The following RGS7 variants were observed in gnomAD, a reference collection of about 807,000 sequenced individuals.
RGS7 encodes regulator of G protein signaling 7.
Under a neutral mutation model 81.1 loss-of-function variants are expected in RGS7, and 27 were observed. That is an observed-to-expected ratio of 0.33 (90% CI 0.25 to 0.46). RGS7 has a LOEUF of 0.46. Among genes scored for constraint, RGS7 ranks in the 20% least tolerant of loss-of-function variants. The pLI, the probability that RGS7 is intolerant of heterozygous loss-of-function variation, is 1.00. For missense variants in RGS7, 396 were observed against 607.4 expected (o/e 0.65, Z 3.66); for synonymous variants, 208 against 207.7 (o/e 1.00, Z -0.01).
At chr1:240,943,265 C>T (rs564055142) in intron 4 of RGS7, among the ~76,000 whole-genome samples, 22 of 152,272 alleles carry the variant, frequency 1.4e-4, no homozygotes, top group African/African-American at 4.6e-4. Flanking sequence ...GTTCACATCC[C>T]GGGTCCCTCA....
At chr1:240,882,706 AT>A (rs200827080) in intron 6 of RGS7, among the ~76,000 whole-genome samples, 1 of 151,620 alleles carries the variant, frequency 6.6e-6, no homozygotes, top group African/African-American at 2.4e-5. Flanking sequence ...CTTGGGGTCC[AT>A]TTTTTTTCAT....
intron 3 of RGS7, among the ~76,000 whole-genome samples, chr1:241,010,749 T>G (rs148061495): frequency 1.2e-4 from 18 of 152,308 alleles, no homozygotes; most frequent in African/African-American, 4.1e-4. Flanking sequence ...ACTAATTTCC[T>G]GCTGATCCTA....
chr1:240,920,386 G>T, intron 6 of RGS7: 1 of 1,524,028 alleles, frequency 6.6e-7, no homozygotes, highest in South Asian at 1.1e-5. Context: ...GGCTATAATG[G>T]ATTTGGTAAT....
At chr1:240,923,465 G>A (rs193168390) in intron 6 of RGS7, among the ~76,000 whole-genome samples, 117 of 152,026 alleles carry the variant, frequency 7.7e-4, no homozygotes, top group African/African-American at 2.6e-3. Context: ...TTAATTTTCT[G>A]TAAACTTTGA....
At chr1:240,995,220 A>G (rs999097824) in intron 3 of RGS7, among the ~76,000 whole-genome samples, 1 of 152,116 alleles carries the variant, frequency 6.6e-6, no homozygotes, top group African/African-American at 2.4e-5. Flanking sequence ...AATTATTTTT[A>G]TATATTGCTA....
At position 241,144,483 on chromosome 1, in the gene RGS7, C is replaced by T. The variant is rs2068151425; in HGVS notation, c.79-45721G>A. 6.6e-6 allele frequency among the ~76,000 whole-genome samples: 1 copy of T among 152,140 alleles called. No homozygotes were observed. The highest frequency in any genetic ancestry group is 1.5e-5 in the Non-Finnish European group (1 of 68,020). On this transcript the variant is annotated intron_variant, in intron 2 of 18. Transcript: ENST00000440928. The surrounding 1 kb of genome is among the most constrained non-coding windows in gnomAD (Gnocchi z 4.7). ...CTTTGTAAACCTACATAAAGATTCC[C>T]CCTTCCTTGGGAAGCCATAAATGCA...
chr1:241,045,575 G>A (rs906191372), intron 3 of RGS7, among the ~76,000 whole-genome samples: 3 of 152,082 alleles, frequency 2.0e-5, no homozygotes, highest in African/African-American at 7.2e-5. Flanking sequence ...TGTTGGCCAG[G>A]CTGGTCTTGA....
chr1:241,128,520 G>C (rs1350146905), intron 2 of RGS7, among the ~76,000 whole-genome samples: 1 of 151,856 alleles, frequency 6.6e-6, no homozygotes, highest in Non-Finnish European at 1.5e-5. Context: ...CCGGGGCGGA[G>C]GTTACAGTGA....
rs777119486 is a variant in RGS7, at chr1:240,920,552, C to T, written c.385+10165G>A. 8.8e-5 allele frequency: 75 copies of T among 851,458 alleles called. 1 individual carries two copies. Among genetic ancestry groups the T allele is most frequent in the Middle Eastern group, 3.4e-4 (1 of 2,980 alleles). 52.7% of individuals were successfully genotyped at this position (851,458 alleles called of 1,614,324 possible). A position where few individuals can be genotyped will look rare whatever the true frequency, so the allele number is the denominator to read the frequency against. On this transcript the variant is annotated intron_variant, in intron 6 of 18. Transcript: ENST00000440928. Reference sequence around the variant, plus strand: ...GCCAATACTTTGTCAAACCATGAAACTAAGGTGGCTATGGTGGTTGCAGTA... The same window carrying T: ...GCCAATACTTTGTCAAACCATGAAATTAAGGTGGCTATGGTGGTTGCAGTA...
intron 2 of RGS7, among the ~76,000 whole-genome samples, chr1:241,295,633 G>C (rs2079379071): frequency 1.3e-5 from 2 of 152,274 alleles, no homozygotes; most frequent in African/African-American, 4.8e-5. Flanking sequence ...AAAGGGCCTT[G>C]AATGCCATGT....
At chr1:241,031,244 TC>T (rs1160415929) in intron 3 of RGS7, among the ~76,000 whole-genome samples, 3 of 152,212 alleles carry the variant, frequency 2.0e-5, no homozygotes, top group African/African-American at 7.2e-5. Flanking sequence ...CTGAGTTATT[TC>T]ACTTAAGACA....
intron 9 of RGS7, among the ~76,000 whole-genome samples, chr1:240,842,483 C>G (rs116229052): frequency 6.6e-6 from 1 of 151,832 alleles, no homozygotes; most frequent in African/African-American, 2.4e-5. Context: ...TGAGCCACTG[C>G]GCCTGGCTGT....
At chr1:241,315,335 C>T (rs76591989) in intron 2 of RGS7, among the ~76,000 whole-genome samples, 1,776 of 151,808 alleles carry the variant, frequency 0.012, 24 homozygotes, top group Middle Eastern at 0.044. Flanking sequence ...CTTCCCCAGC[C>T]GTGCTCTCCT....
At chr1:241,069,951 C>T (rs2062331130) in intron 3 of RGS7, among the ~76,000 whole-genome samples, 1 of 152,170 alleles carries the variant, frequency 6.6e-6, no homozygotes, top group South Asian at 2.1e-4. Context: ...TTGGTATCCT[C>T]ATTTTACTGA....
At chr1:241,126,723 C>T (rs1184160807) in intron 2 of RGS7, among the ~76,000 whole-genome samples, 1 of 152,142 alleles carries the variant, frequency 6.6e-6, no homozygotes, top group African/African-American at 2.4e-5. Flanking sequence ...GGAAAGTGCC[C>T]GGTACAGAGA....
At chr1:241,341,715 T>C (rs2082559785) in intron 2 of RGS7, among the ~76,000 whole-genome samples, 1 of 151,990 alleles carries the variant, frequency 6.6e-6, no homozygotes. Context: ...TTAATCACCA[T>C]AGCAACTCTA....
Position 241,144,188 on chromosome 1 carries a change from T to C in RGS7, c.79-45426A>G, listed in dbSNP as rs2068125375. Among the ~76,000 whole-genome samples the C allele has an allele frequency of 6.6e-6, 1 of 152,222 alleles. No individual in the cohort carries two copies. The highest frequency in any genetic ancestry group is 1.5e-5 in the Non-Finnish European group (1 of 68,040). ...TGAGCATTTTCAAACAGAGTACTTC[T>C]GGAAGCTGAACAACAGTGTCTCCTG... is the stretch of plus-strand genomic sequence containing the variant. On this transcript the variant is annotated intron_variant, in intron 2 of 18. Coordinates refer to ENST00000440928, the MANE Select transcript of RGS7 (RefSeq NM_001364886.1). This position sits in a 1 kb window ranked among gnomAD's most constrained non-coding sequence, Gnocchi z 4.7.
chr1:241,260,233 G>C (rs549924514), intron 2 of RGS7, among the ~76,000 whole-genome samples: 1 of 152,112 alleles, frequency 6.6e-6, no homozygotes, highest in Non-Finnish European at 1.5e-5. Flanking sequence ...ATTGCTTCTC[G>C]TAGGGAACTC....
intron 9 of RGS7, among the ~76,000 whole-genome samples, chr1:240,833,021 A>G (rs1211369118): frequency 6.6e-6 from 1 of 152,206 alleles, no homozygotes; most frequent in Non-Finnish European, 1.5e-5. Flanking sequence ...TTTAACTTAT[A>G]AATTAGGAAC....
Sources: gnomAD v4.1 joint callset for allele counts (sites outside exome capture counted in the v4.1 genomes callset) on GRCh38, gnomAD v4.1.1 for gene constraint, Gnocchi (gnomAD v3.1) non-coding constraint, MANE v1.5 for transcripts, NCBI Gene and HGNC (gene_info 2026-07-23, HGNC 2026-07-21) for gene names.